The following NLGN1 variants were observed in gnomAD, a reference collection of about 807,000 sequenced individuals.
NLGN1 encodes neuroligin 1, also known as neuroligin-1.
In NLGN1, 12 loss-of-function variants were observed where a neutral mutation model predicts 65.5. The ratio of observed to expected loss-of-function variants is 0.18; its 90% CI spans 0.12 to 0.30. The LOEUF (loss-of-function observed/expected upper bound fraction) is 0.30. NLGN1 is among the 10% of genes least tolerant of loss of function. NLGN1 has a pLI of 1.00. For missense variants in NLGN1, 750 were observed against 1,007.1 expected (o/e 0.74, Z 3.46); for synonymous variants, 350 against 359.5 (o/e 0.97, Z 0.30).
chr3:173,507,854 G>T (rs933941306), intron 2 of NLGN1, among the ~76,000 whole-genome samples: 1 of 152,084 alleles, frequency 6.6e-6, no homozygotes, highest in Admixed American at 6.6e-5. Flanking sequence ...CAACATATCT[G>T]GGTTTAACTT....
At chr3:173,809,878 G>C (rs1203665596) in intron 4 of NLGN1, among the ~76,000 whole-genome samples, 1 of 152,184 alleles carries the variant, frequency 6.6e-6, no homozygotes, top group African/African-American at 2.4e-5. Context: ...AGAGCAGACA[G>C]TATTGATATT....
intron 4 of NLGN1, among the ~76,000 whole-genome samples, chr3:173,924,971 C>G (rs1742749248): frequency 6.6e-6 from 1 of 152,052 alleles, no homozygotes; most frequent in Non-Finnish European, 1.5e-5. Context: ...CTTTAAAAAC[C>G]AATTTTGAGT....
chr3:174,159,178 G>T (rs983491301), intron 4 of NLGN1, among the ~76,000 whole-genome samples: 3 of 151,608 alleles, frequency 2.0e-5, no homozygotes, highest in Admixed American at 6.6e-5. Context: ...TACCATAGAA[G>T]CAAGACTACT....
At chr3:173,852,714 A>C (rs539791694) in intron 4 of NLGN1, among the ~76,000 whole-genome samples, 9 of 152,220 alleles carry the variant, frequency 5.9e-5, no homozygotes, top group African/African-American at 2.2e-4. Flanking sequence ...GTTTTGTAAA[A>C]GCAAATTGGA....
At chr3:173,645,833 C>G (rs1414081682) in intron 3 of NLGN1, among the ~76,000 whole-genome samples, 1 of 152,160 alleles carries the variant, frequency 6.6e-6, no homozygotes, top group Non-Finnish European at 1.5e-5. Context: ...TCTTTCTCTG[C>G]CATAATCCCA....
At chr3:173,656,886 G>A (rs547772411) in intron 3 of NLGN1, among the ~76,000 whole-genome samples, 5 of 152,108 alleles carry the variant, frequency 3.3e-5, no homozygotes, top group African/African-American at 1.2e-4. Context: ...TGAAGACTTT[G>A]CATACTACTC....
intron 2 of NLGN1, among the ~76,000 whole-genome samples, chr3:173,492,529 T>C (rs1207854340): frequency 1.3e-5 from 2 of 151,834 alleles, no homozygotes; most frequent in African/African-American, 4.9e-5. Context: ...ATTTCCTATA[T>C]ATTTGGATAT....
chr3:173,970,996 C>T (rs1716101902), intron 4 of NLGN1, among the ~76,000 whole-genome samples: 2 of 152,044 alleles, frequency 1.3e-5, no homozygotes, highest in East Asian at 3.9e-4. Context: ...GGAATCCATA[C>T]TAGTTTGTGA....
chr3:173,793,629 A>C (rs1036145063), intron 3 of NLGN1, among the ~76,000 whole-genome samples: 1 of 152,298 alleles, frequency 6.6e-6, no homozygotes, highest in East Asian at 1.9e-4. Flanking sequence ...ATAAAATTTC[A>C]GAAGTGCTAC....
intron 3 of NLGN1, among the ~76,000 whole-genome samples, chr3:173,666,850 A>G (rs1761764447): frequency 6.6e-6 from 1 of 152,150 alleles, no homozygotes. Flanking sequence ...TTTTAATTGC[A>G]TTATTAGAAC....
chr3:173,426,426 T>G (rs1209703323), intron 1 of NLGN1, among the ~76,000 whole-genome samples: 1 of 152,038 alleles, frequency 6.6e-6, no homozygotes, highest in Admixed American at 6.6e-5. Flanking sequence ...GACAATAAAG[T>G]TTTTCAAATT....
At chr3:174,179,446 C>A (rs1341602276) in intron 4 of NLGN1, among the ~76,000 whole-genome samples, 1 of 152,050 alleles carries the variant, frequency 6.6e-6, no homozygotes, top group African/African-American at 2.4e-5. Flanking sequence ...AGTATTCAGA[C>A]AGCTTCTGAT....
chr3:173,828,835 C>T (rs1201492972), intron 4 of NLGN1, among the ~76,000 whole-genome samples: 1 of 151,968 alleles, frequency 6.6e-6, no homozygotes, highest in African/African-American at 2.4e-5. Flanking sequence ...GGTTGTGAAA[C>T]AGAAACTTGG....
At chr3:173,687,756 A>G (rs1026992590) in intron 3 of NLGN1, among the ~76,000 whole-genome samples, 2 of 152,220 alleles carry the variant, frequency 1.3e-5, no homozygotes, top group East Asian at 1.9e-4. Context: ...GATGTAGGAT[A>G]ATTCTTCACT....
chr3:173,707,488 A>G (rs1267510356), intron 3 of NLGN1, among the ~76,000 whole-genome samples: 2 of 152,066 alleles, frequency 1.3e-5, no homozygotes, highest in Admixed American at 6.5e-5. Flanking sequence ...CAAATGTTAT[A>G]TAAACATAAA....
At chr3:174,024,600 T>C (rs535964768) in intron 4 of NLGN1, among the ~76,000 whole-genome samples, 1 of 152,268 alleles carries the variant, frequency 6.6e-6, no homozygotes, top group East Asian at 1.9e-4. Flanking sequence ...CCAAGGCATT[T>C]CTGAAAAGAA....
At chr3:173,918,674 G>A (rs1741277517) in intron 4 of NLGN1, among the ~76,000 whole-genome samples, 1 of 125,158 alleles carries the variant, frequency 8.0e-6, no homozygotes, top group Non-Finnish European at 1.7e-5. Context: ...GTGTGTGTGT[G>A]TGTGTGTGTG....
chr3:174,093,693 A>C (rs1744942437), intron 4 of NLGN1, among the ~76,000 whole-genome samples: 1 of 152,184 alleles, frequency 6.6e-6, no homozygotes, highest in South Asian at 2.1e-4. Context: ...CTTATAATTA[A>C]ATTGTTCACA....
rs150984290 is a variant in NLGN1, at chr3:173,600,592, C to CTTTTTT, written c.-320-3683_-320-3678dup. ...AAGCAAGGTAGAAATAAAAACATAT[C>CTTTTTT]TTTTTTTTTAGAAAAAGATATGTAA... On this transcript the variant is annotated intron_variant, in intron 2 of 6. Transcript: ENST00000457714. 1.4e-4 allele frequency among the ~76,000 whole-genome samples: 14 copies of CTTTTTT among 103,506 alleles called. 1 individual carries two copies. The highest frequency in any genetic ancestry group is 3.3e-4 in the East Asian group (1 of 3,020). The allele number at this position is 103,506 out of a possible 152,430, so 67.9% of individuals were successfully genotyped here.
Sources: gnomAD v4.1 joint callset for allele counts (sites outside exome capture counted in the v4.1 genomes callset) on GRCh38, gnomAD v4.1.1 for gene constraint, MANE v1.5 for transcripts, NCBI Gene and HGNC (gene_info 2026-07-23, HGNC 2026-07-21) for gene names.